NBPF8: variants seen among roughly 807,000 people sequenced by gnomAD.
NBPF8 encodes NBPF member 8, also known as NBPF family member NBPF8.
In NBPF8 at chr1:120,431,321, A is replaced by AAT. The variant is rs1336548048; in HGVS notation, n.510+3491_510+3492dup. On this transcript the variant is annotated intron_variant and non_coding_transcript_variant, in intron 3 of 28. Coordinates refer to the NBPF8 transcript ENST00000652355. Reference sequence around the variant, plus strand: ...TGAAGATTATCATCTCCAAATAGGGAATATATATATATATATATTTATCAT... The same window carrying AAT: ...TGAAGATTATCATCTCCAAATAGGGAATATATATATATATATATATTTATCAT... Among the ~76,000 whole-genome samples the AAT allele has an allele frequency of 4.3e-3, 348 of 80,866 alleles. 14 individuals carry two copies. The highest frequency in any genetic ancestry group is 0.028 in the Middle Eastern group (4 of 144). The allele number at this position is 80,866 out of a possible 152,430, so 53.1% of individuals were successfully genotyped here.
intron 15 of NBPF8, among the ~76,000 whole-genome samples, chr1:120,455,185 C>T (rs1294897291): frequency 1.1e-4 from 17 of 151,782 alleles, no homozygotes; most frequent in Admixed American, 2.6e-4. Context: ...GGGAATATGG[C>T]ATTATGGTCT....
At chr1:120,428,536 C>T (rs1456012300) in intron 3 of NBPF8, among the ~76,000 whole-genome samples, 3 of 151,994 alleles carry the variant, frequency 2.0e-5, no homozygotes, top group Non-Finnish European at 4.4e-5. Flanking sequence ...GAGAAATAAA[C>T]TCCCATCAGC....
chr1:120,415,789 C>A (rs1660420031), upstream of NBPF8, among the ~76,000 whole-genome samples: 4 of 152,268 alleles, frequency 2.6e-5, no homozygotes, highest in East Asian at 5.8e-4. Flanking sequence ...TCATGACTAG[C>A]GGGGCAGGCC....
At chr1:120,468,295 T>C (rs1307364119), downstream of NBPF8, among the ~76,000 whole-genome samples, 1 of 151,782 alleles carries the variant, frequency 6.6e-6, no homozygotes, top group Non-Finnish European at 1.5e-5. Flanking sequence ...TTAACGCTCA[T>C]GAGCTATTCA....
chr1:120,419,616 G>A (rs1258421417), upstream of NBPF8, among the ~76,000 whole-genome samples: 1 of 151,730 alleles, frequency 6.6e-6, no homozygotes, highest in Non-Finnish European at 1.5e-5. Flanking sequence ...GTGCCACCAT[G>A]CTGGGCCAAT....
upstream of NBPF8, among the ~76,000 whole-genome samples, chr1:120,419,543 T>C (rs1156538342): frequency 3.3e-5 from 5 of 152,196 alleles, no homozygotes; most frequent in Non-Finnish European, 5.9e-5. Context: ...CTCACTAACC[T>C]CTAATTCGAG....
intron 22 of NBPF8, 62 bp from the exon 21 acceptor site, chr1:120,464,313 AT>A (rs1661680553): frequency 1.4e-6 from 1 of 719,826 alleles, no homozygotes; most frequent in Admixed American, 1.9e-5. Flanking sequence ...CATGAAACCT[AT>A]TTGGGGTTCT....
chr1:120,466,309 G>T (rs1429507832), exon 25 of NBPF8: 1 of 1,551,838 alleles, frequency 6.4e-7, no homozygotes, highest in African/African-American at 1.4e-5. Flanking sequence ...GTTCCATTTG[G>T]AAGCCCAGAC....
In NBPF8 at chr1:120,459,650, T is replaced by C. The variant is rs1661519560; in HGVS notation, n.2784+120T>C. 1.4e-5 allele frequency: 15 copies of C among 1,068,990 alleles called. 1 individual carries two copies. In the South Asian group the frequency reaches 1.5e-4, roughly 10 times the overall value. The allele number at this position is 1,068,990 out of a possible 1,614,324, so 66.2% of individuals were successfully genotyped here. ...TTGCCATCACTGTGGGCTGAACCTA[T>C]ATATCAATGTAGATTTCAATCACTC... On this transcript the variant is annotated intron_variant and non_coding_transcript_variant, in intron 17 of 24. Coordinates refer to ENST00000583271, the Ensembl canonical transcript of NBPF8.
At chr1:120,468,976 T>TAAG (rs1661830849), downstream of NBPF8, among the ~76,000 whole-genome samples, 1 of 152,120 alleles carries the variant, frequency 6.6e-6, no homozygotes, top group African/African-American at 2.4e-5. Context: ...TTTGAGTCTC[T>TAAG]AAGTTGACCC....
At chr1:120,446,133 T>G (rs1661153515) in intron 8 of NBPF8, 2 of 1,602,948 alleles carry the variant, frequency 1.2e-6, no homozygotes, top group Non-Finnish European at 1.7e-6. Context: ...GTTGTATCAG[T>G]GGGGTTTTTT....
In NBPF8 at chr1:120,449,421, C is replaced by A. The variant is rs1378247023; in HGVS notation, n.1971+19C>A. ...AAATACAGTAAGATCTACAGGCTCA[C>A]CATCATGAAAGTGATGAATGATATC... On this transcript the variant is annotated intron_variant and non_coding_transcript_variant, in intron 11 of 24. Transcript: ENST00000583271. The A allele has an allele frequency of 2.7e-6, 4 of 1,483,638 alleles. No homozygotes were observed. The highest frequency in any genetic ancestry group is 2.2e-5 in the South Asian group (2 of 88,954). 91.9% of individuals were successfully genotyped at this position (1,483,638 alleles called of 1,614,324 possible). A position where few individuals can be genotyped will look rare whatever the true frequency, so the allele number is the denominator to read the frequency against.
At chr1:120,467,979 T>G (rs1661790679), downstream of NBPF8, among the ~76,000 whole-genome samples, 1 of 151,988 alleles carries the variant, frequency 6.6e-6, no homozygotes, top group South Asian at 2.1e-4. Flanking sequence ...TGTGTCTGTG[T>G]GTGCCTTTGG....
chr1:120,431,401 T>TATAC (rs1660874652), upstream of NBPF8, among the ~76,000 whole-genome samples: 1 of 57,840 alleles, frequency 1.7e-5, no homozygotes, highest in Non-Finnish European at 4.0e-5. Flanking sequence ...TATATATATA[T>TATAC]ACAGACACAC....
upstream of NBPF8, among the ~76,000 whole-genome samples, chr1:120,435,631 A>C (rs1265964024): frequency 4.8e-3 from 716 of 150,104 alleles, 5 homozygotes; most frequent in South Asian, 8.5e-3. Flanking sequence ...TCACGAGGTC[A>C]GGAGATCGAG....
At chr1:120,435,656 C>T (rs1412360527), upstream of NBPF8, among the ~76,000 whole-genome samples, 206 of 148,176 alleles carry the variant, frequency 1.4e-3, no homozygotes, top group African/African-American at 4.5e-3. Context: ...TCGTGGCTAA[C>T]ACAGTGAAAC....
chr1:120,435,771 C>A (rs1340379055), upstream of NBPF8, among the ~76,000 whole-genome samples: 440 of 151,324 alleles, frequency 2.9e-3, 1 homozygote, highest in African/African-American at 9.8e-3. Context: ...GAGTCTGAGG[C>A]AGGAGAATAG....
upstream of NBPF8, among the ~76,000 whole-genome samples, chr1:120,419,360 A>G (rs1660510917): frequency 1.3e-5 from 2 of 152,232 alleles, no homozygotes; most frequent in Non-Finnish European, 2.9e-5. Flanking sequence ...ATTCCAAAGA[A>G]GCATTAACTA....
chr1:120,456,024 T>C (rs1661426807), intron 16 of NBPF8, among the ~76,000 whole-genome samples: 1 of 152,062 alleles, frequency 6.6e-6, no homozygotes, highest in African/African-American at 2.4e-5. Context: ...ATTTTGTTAT[T>C]TTCCCAGTAG....
Sources: allele counts gnomAD v4.1 joint callset (sites outside exome capture counted in the v4.1 genomes callset), GRCh38; gene constraint gnomAD v4.1.1; transcripts MANE v1.5; gene names NCBI Gene and HGNC (gene_info 2026-07-23, HGNC 2026-07-21).